Variants in MATN2 observed in about 807,000 individuals in gnomAD.
MATN2 encodes matrilin-2.
A neutral mutation model predicts 103.2 loss-of-function variants in MATN2; 69 were observed. The ratio of observed to expected loss-of-function variants is 0.67; its 90% CI spans 0.55 to 0.82. The LOEUF (loss-of-function observed/expected upper bound fraction) is 0.82. MATN2 is among the 40% of genes least tolerant of loss of function. The pLI, the probability that MATN2 is intolerant of heterozygous loss-of-function variation, is 0.00. For synonymous variants in MATN2, 429 were observed against 450.2 expected, an observed-to-expected ratio of 0.95 and a Z score of 0.60; for missense variants, 1,023 against 1,211.5, an observed-to-expected ratio of 0.84 and a Z score of 2.31.
chr8:98,016,759 A>G (rs1033044641), intron 11 of MATN2, 97 bp downstream of exon 11: 1 of 1,416,228 alleles, frequency 7.1e-7, no homozygotes, highest in Non-Finnish European at 9.8e-7. Flanking sequence ...CTCAGAAGTC[A>G]ATGCCACACA....
At chr8:97,998,454 G>A (rs1286541191) in intron 7 of MATN2, among the ~76,000 whole-genome samples, 8 of 148,632 alleles carry the variant, frequency 5.4e-5, no homozygotes, top group African/African-American at 9.9e-5. Context: ...CCTGGGAGGC[G>A]GAGCTTGCAG....
At chr8:97,887,998 G>A (rs1818496794) in intron 1 of MATN2, 77 bp from the exon 2 acceptor site, 1 of 1,383,652 alleles carries the variant, frequency 7.2e-7, no homozygotes, top group Non-Finnish European at 9.7e-7. Flanking sequence ...AGGCGGGGCA[G>A]CGGGCCTGCA....
At chr8:97,975,077 C>T (rs1811789292) in intron 5 of MATN2, among the ~76,000 whole-genome samples, 2 of 152,156 alleles carry the variant, frequency 1.3e-5, no homozygotes, top group South Asian at 2.1e-4. Context: ...GTCCTAGAGC[C>T]CATGTGTTCC....
chr8:97,915,245 GCCAC>G (rs1463967371), intron 2 of MATN2, among the ~76,000 whole-genome samples: 1 of 152,056 alleles, frequency 6.6e-6, no homozygotes, highest in Non-Finnish European at 1.5e-5. Flanking sequence ...TCCTGCCTTA[GCCAC>G]CCAAAGTGCT....
At chr8:97,989,494 G>T (rs1812323291) in intron 6 of MATN2, among the ~76,000 whole-genome samples, 1 of 151,308 alleles carries the variant, frequency 6.6e-6, no homozygotes, top group African/African-American at 2.4e-5. Flanking sequence ...CGGAATGAAG[G>T]TAACTGCCTC....
intron 1 of MATN2, among the ~76,000 whole-genome samples, chr8:97,874,651 G>A (rs1488749640): frequency 1.3e-5 from 2 of 151,830 alleles, no homozygotes; most frequent in East Asian, 3.9e-4. Flanking sequence ...CTGGGCTCAA[G>A]CAATCCTCCT....
At chr8:98,003,147 C>CCCCTCATCCCCGGGCATTTGTGTTCACT (rs1812842218) in intron 7 of MATN2, among the ~76,000 whole-genome samples, 1 of 150,772 alleles carries the variant, frequency 6.6e-6, no homozygotes, top group Admixed American at 6.6e-5. Flanking sequence ...TTGTGTTCAC[C>CCCCTCATCCCCGGGCATTTGTGTTCACT]GTCCCCTCAT....
intron 2 of MATN2, among the ~76,000 whole-genome samples, chr8:97,914,358 CTTTTTTTTTT>C (rs149996231): frequency 1.9e-5 from 1 of 52,936 alleles, no homozygotes; most frequent in Non-Finnish European, 3.2e-5. Flanking sequence ...AAATCCAGAC[CTTTTTTTTTT>C]TTTTTTTTTT....
rs149406955 is a variant in MATN2 at position 97,951,449 on chromosome 8, C to T, written c.835+9550C>T. ...AGTGGTTCTCAAAGTGTGGTCCCCC[C>T]GGAAAACAATATCAGCTTTGCCCGG... On this transcript the variant is annotated intron_variant, in intron 4 of 18. Coordinates refer to ENST00000254898, the MANE Select transcript of MATN2 (RefSeq NM_002380.5). Among the ~76,000 whole-genome samples, 240 of 152,236 alleles carry T rather than the reference C, an allele frequency of 1.6e-3. 4 individuals carry two copies. In the East Asian group the frequency reaches 0.02, roughly 13 times the overall value.
chr8:98,033,709 C>T (rs1433377443), intron 18 of MATN2, 50 bp downstream of exon 18: 1 of 1,154,738 alleles, frequency 8.7e-7, no homozygotes, highest in East Asian at 2.5e-5. Context: ...AGAATATTAT[C>T]AAAACTTCAC....
chr8:98,023,388 C>T (rs992400425), intron 13 of MATN2, among the ~76,000 whole-genome samples: 2 of 152,036 alleles, frequency 1.3e-5, no homozygotes, highest in African/African-American at 4.8e-5. Flanking sequence ...AGGTGCTGAA[C>T]AGCCGGGTGT....
At chr8:97,894,180 C>T (rs1348798452) in intron 2 of MATN2, among the ~76,000 whole-genome samples, 1 of 151,924 alleles carries the variant, frequency 6.6e-6, no homozygotes, top group East Asian at 1.9e-4. Flanking sequence ...GGCCTGAGCT[C>T]CCTCCCACCC....
At chr8:98,023,273 A>C (rs888341138) in intron 13 of MATN2, among the ~76,000 whole-genome samples, 1 of 149,190 alleles carries the variant, frequency 6.7e-6, no homozygotes, top group Admixed American at 6.7e-5. Context: ...ACAAATAAAC[A>C]AACAAAAATT....
intron 6 of MATN2, among the ~76,000 whole-genome samples, chr8:97,986,285 T>A (rs190152324): frequency 8.7e-4 from 133 of 152,346 alleles, no homozygotes; most frequent in African/African-American, 3.1e-3. Flanking sequence ...TTTTTATTTT[T>A]AAATTAAATT....
At chr8:97,880,425 C>T (rs1248594531) in intron 1 of MATN2, among the ~76,000 whole-genome samples, 1 of 152,170 alleles carries the variant, frequency 6.6e-6, no homozygotes, top group African/African-American at 2.4e-5. Context: ...CCTTATCTCT[C>T]CTCCTCTCCC....
chr8:97,953,522 C>T (rs1376774091), intron 4 of MATN2, among the ~76,000 whole-genome samples: 1 of 152,138 alleles, frequency 6.6e-6, no homozygotes, highest in Non-Finnish European at 1.5e-5. Context: ...CGTGGTGGCT[C>T]ACGCCTGTAA....
In MATN2 at chr8:98,007,051, G is replaced by A. The variant is rs1483420704; in HGVS notation, c.1328-54G>A. On this transcript the variant is annotated intron_variant, in intron 8 of 18. Coordinates refer to ENST00000254898, the MANE Select transcript of MATN2 (RefSeq NM_002380.5). This position sits in a 1 kb window ranked among gnomAD's most constrained non-coding sequence, Gnocchi z 4.2. ...GTTTTGTTTTTGAATCTTGGTTGCT[G>A]GTGGGGTATTGCCCCCTCGGCTCCT... 5 of 1,542,722 alleles carry A rather than the reference G, an allele frequency of 3.2e-6. No homozygotes were observed. The highest frequency in any genetic ancestry group is 3.5e-6 in the Non-Finnish European group (4 of 1,137,796).
chr8:97,895,439 C>T lies in MATN2; in HGVS notation c.142+7197C>T, dbSNP rs192129446. On this transcript the variant is annotated intron_variant, in intron 2 of 18. Transcript: ENST00000254898. ...TCTTCCTTCTACCTGGAATATCCTT[C>T]CCCAGACAAGACCCATTCTCATCCA... 2.1e-3 allele frequency among the ~76,000 whole-genome samples: 316 copies of T among 152,316 alleles called. 6 individuals carry two copies. The highest frequency in any genetic ancestry group is 0.019 in the Admixed American group (295 of 15,294).
intron 5 of MATN2, among the ~76,000 whole-genome samples, chr8:97,969,640 A>T (rs1019298021): frequency 6.6e-6 from 1 of 152,232 alleles, no homozygotes; most frequent in Non-Finnish European, 1.5e-5. Context: ...ATCATGGAAC[A>T]TGATAGGAAG....
Sources: gnomAD v4.1 joint callset for allele counts (sites outside exome capture counted in the v4.1 genomes callset) on GRCh38, gnomAD v4.1.1 for gene constraint, Gnocchi (gnomAD v3.1) non-coding constraint, MANE v1.5 for transcripts, NCBI Gene and HGNC (gene_info 2026-07-23, HGNC 2026-07-21) for gene names.